EIF2D: variants seen among roughly 807,000 people sequenced by gnomAD.
EIF2D encodes the protein eukaryotic translation initiation factor 2D.
A neutral mutation model predicts 77.4 loss-of-function variants in EIF2D; 56 were observed. The ratio of observed to expected loss-of-function variants is 0.72; its 90% confidence interval spans 0.58 to 0.90. The LOEUF is 0.90. Ranked by LOEUF, EIF2D falls within the 40% of genes least tolerant of loss-of-function variation. The pLI is 0.00. For synonymous variants in EIF2D, 230 were observed against 271.0 expected, an observed-to-expected ratio of 0.85 and a Z score of 1.49; for missense variants, 574 against 706.5, an observed-to-expected ratio of 0.81 and a Z score of 2.13.
intron 4 of EIF2D, among the ~76,000 whole-genome samples, chr1:206,575,401 G>T (rs1378793095): frequency 2.0e-5 from 3 of 152,126 alleles, no homozygotes; most frequent in African/African-American, 7.2e-5. Flanking sequence ...TGGCTTCCGG[G>T]GTATTTTTTG....
chr1:206,577,962 C>T (rs1668715494), intron 4 of EIF2D, among the ~76,000 whole-genome samples: 1 of 152,102 alleles, frequency 6.6e-6, no homozygotes, highest in South Asian at 2.1e-4. Context: ...GTGGGTCACA[C>T]CTGTAATCCT....
At chr1:206,600,227 T>A in intron 8 of EIF2D, 36 bp downstream of exon 8, 1 of 1,607,182 alleles carries the variant, frequency 6.2e-7, no homozygotes, top group Non-Finnish European at 8.5e-7. Flanking sequence ...CCTACACAAC[T>A]CTCTGCATGG....
downstream of EIF2D, chr1:206,586,780 G>A: frequency 2.7e-6 from 4 of 1,501,130 alleles, no homozygotes; most frequent in South Asian, 3.5e-5. Flanking sequence ...CTTCTAACCT[G>A]TCTCCTATTC....
chr1:206,612,429 G>A lies in EIF2D; in HGVS notation c.-87C>T. The A allele has an allele frequency of 3.9e-6, 6 of 1,557,326 alleles. No individual in the cohort carries two copies. Among genetic ancestry groups the A allele is most frequent in the East Asian group, 2.2e-5 (1 of 44,538 alleles). On this transcript the variant is annotated 5_prime_UTR_variant, in exon 1 of 15. In the 5' UTR this introduces an upstream ATG that the reference lacks. Coordinates refer to ENST00000271764, the MANE Select transcript of EIF2D (RefSeq NM_006893.3). ...CGCAGCAGCTGCCAGGCCCTCAGCC[G>A]TGGGGGCAGCCATGCTGGGGCCCGG...
chr1:206,603,326 G>A (rs560680383), intron 5 of EIF2D, 122 bp from the exon 6 acceptor site: 16 of 1,370,206 alleles, frequency 1.2e-5, no homozygotes, highest in Non-Finnish European at 1.4e-5. Context: ...GTGGCCAGGA[G>A]GGGGCAGAGA....
At position 206,592,592 on chromosome 1, in the gene EIF2D, AGAGAGCCTGGCAGG is replaced by A. The variant is rs1393061399; in HGVS notation, c.1685-761_1685-748del. Among the ~76,000 whole-genome samples, 1 of 152,214 alleles carries A rather than the reference AGAGAGCCTGGCAGG, an allele frequency of 6.6e-6. No homozygotes were observed. Among genetic ancestry groups the A allele is most frequent in the Non-Finnish European group, 1.5e-5 (1 of 68,032 alleles). On this transcript the variant is annotated intron_variant, in intron 14 of 14. Transcript: ENST00000271764. This position sits in a 1 kb window ranked among gnomAD's most constrained non-coding sequence, Gnocchi z 4.7. ...GCAACATGGGTGTAGGAGCTGCCAG[AGAGAGCCTGGCAGG>A]GAAGGCTGGGGTCAGGCTGGGAGGG...
intron 11 of EIF2D, among the ~76,000 whole-genome samples, chr1:206,598,769 T>C (rs1035543436): frequency 6.6e-6 from 1 of 152,224 alleles, no homozygotes; most frequent in African/African-American, 2.4e-5. Context: ...TTCATGGGTA[T>C]TTGTGAGAGA....
chr1:206,580,313 T>A (rs940101373), intron 4 of EIF2D, among the ~76,000 whole-genome samples: 8 of 152,216 alleles, frequency 5.3e-5, no homozygotes, highest in African/African-American at 1.9e-4. Context: ...TTGGAAACTA[T>A]GAGAGGAGAT....
At chr1:206,593,940 A>C in intron 13 of EIF2D, 147 bp from the exon 14 acceptor site, 2 of 619,098 alleles carry the variant, frequency 3.2e-6, no homozygotes, top group South Asian at 3.2e-5. Context: ...TTAAATCCAA[A>C]TCACTTATTT....
rs1669817099 is a variant in EIF2D at position 206,599,554 on chromosome 1, T to C, written c.1111A>G (p.Ser371Gly). 6.2e-7 allele frequency: 1 copy of C among 1,610,618 alleles called. No individual in the cohort carries two copies. ...GGAGGGTGATAGGGCTGTTCCCTGC[T>C]ACCCTCCTGGATAGTCTGGGAGGTC... The part of the protein sequence containing the change: ...SPTSQTIQEG[S>G]REQPYHPPDI... The change falls in exon 10 of 15, where the codon AGC becomes GGC. Residue 371 changes from serine to glycine, a missense_variant. Transcript: ENST00000271764. This position sits in a 1 kb window ranked among gnomAD's most constrained non-coding sequence, Gnocchi z 4.1.
At chr1:206,582,324 A>T (rs1553406536) in intron 2 of EIF2D, among the ~76,000 whole-genome samples, 1 of 152,194 alleles carries the variant, frequency 6.6e-6, no homozygotes, top group African/African-American at 2.4e-5. Flanking sequence ...GGCATCTGGG[A>T]ACATATGAGA....
At chr1:206,590,630 G>A (rs1426150865), downstream of EIF2D, among the ~76,000 whole-genome samples, 1 of 152,174 alleles carries the variant, frequency 6.6e-6, no homozygotes, top group African/African-American at 2.4e-5. Flanking sequence ...TTACTCATGA[G>A]TAAAAAGGTC....
intron 7 of EIF2D, 48 bp downstream of exon 7, chr1:206,602,288 C>A (rs376661709): frequency 2.0e-6 from 3 of 1,503,576 alleles, no homozygotes; most frequent in Middle Eastern, 1.9e-4. Context: ...AAGGAGCACA[C>A]GTGAGACCCC....
intron 12 of EIF2D, among the ~76,000 whole-genome samples, chr1:206,596,836 C>T (rs938089361): frequency 6.6e-6 from 1 of 152,106 alleles, no homozygotes; most frequent in Non-Finnish European, 1.5e-5. Flanking sequence ...CAGGCATGCA[C>T]CACTATGCCT....
chr1:206,590,194 T>C (rs1301675585), downstream of EIF2D, among the ~76,000 whole-genome samples: 1 of 152,160 alleles, frequency 6.6e-6, no homozygotes, highest in African/African-American at 2.4e-5. Context: ...TCAATGCAAA[T>C]GTGTCACCGT....
chr1:206,599,919 G>T lies in EIF2D; in HGVS notation c.949-83C>A. 7.4e-7 allele frequency: 1 copy of T among 1,351,958 alleles called. No homozygotes were observed. Among genetic ancestry groups the T allele is most frequent in the Non-Finnish European group, 1.0e-6 (1 of 958,882 alleles). 83.7% of individuals were successfully genotyped at this position (1,351,958 alleles called of 1,614,324 possible). On this transcript the variant is annotated intron_variant, in intron 8 of 14. Coordinates refer to ENST00000271764, the MANE Select transcript of EIF2D (RefSeq NM_006893.3). The surrounding 1 kb of genome is among the most constrained non-coding windows in gnomAD (Gnocchi z 4.1). ...ACCCAGGATGTGCCAGAGTGAGCTA[G>T]GCAGGGACTGTGCAGGGATATGAGA...
At position 206,591,758 on chromosome 1, in the gene EIF2D, T is replaced by G. The variant is rs1558528897; in HGVS notation, c.*17A>C. ...TTGGATTTCCACCGGATCCACCACG[T>G]GAGACAAAAGAGTCTGTCACTTCTT... On this transcript the variant is annotated 3_prime_UTR_variant, in exon 15 of 15. Coordinates refer to ENST00000271764, the MANE Select transcript of EIF2D (RefSeq NM_006893.3). The G allele has an allele frequency of 6.2e-7, 1 of 1,613,496 alleles. No homozygotes were observed.
Position 206,593,735 on chromosome 1 carries a change from A to C in EIF2D, c.1568T>G (p.Ile523Ser). 6.2e-7 allele frequency: 1 copy of C among 1,613,698 alleles called. No individual in the cohort carries two copies. The highest frequency in any genetic ancestry group is 8.5e-7 in the Non-Finnish European group (1 of 1,179,894). The change falls in exon 14 of 15, where the codon ATC (isoleucine) becomes AGC (serine). Residue 523 changes from isoleucine to serine, a missense_variant. Physicochemically the swap from Ile to Ser is moderately radical, Grantham distance 142. Transcript: ENST00000271764. ...GCTAGCCTGGCATCGCTGCTGAAGG[A>C]TGGCAGCCACTGAGTATGGGTCCAG... is the stretch of plus-strand genomic sequence containing the variant. ...YGLDPYSVAA[I>S]LQQRCQASTT...
At chr1:206,605,177 T>A in intron 5 of EIF2D, 2 of 413,480 alleles carry the variant, frequency 4.8e-6, no homozygotes, top group Non-Finnish European at 8.7e-6. Context: ...TTCCTTTGGG[T>A]CTAAGATTCT....
Sources: allele counts gnomAD v4.1 joint callset (sites outside exome capture counted in the v4.1 genomes callset), GRCh38; gene constraint gnomAD v4.1.1; non-coding constraint Gnocchi (gnomAD v3.1); transcripts MANE v1.5; gene names NCBI Gene and HGNC (gene_info 2026-07-23, HGNC 2026-07-21).